BMERB1: variants seen among roughly 807,000 people sequenced by gnomAD.
BMERB1 encodes bMERB domain containing 1, also known as bMERB domain-containing protein 1.
In BMERB1, 12 loss-of-function variants were observed where a neutral mutation model predicts 23.6. The ratio of observed to expected loss-of-function variants is 0.51; its 90% CI spans 0.33 to 0.82. BMERB1 has a LOEUF of 0.82. BMERB1 is among the 40% of genes least tolerant of loss of function. The probability of loss-of-function intolerance (pLI) is 0.03; values close to 1 mark genes in which losing one functional copy is unlikely to be tolerated. For synonymous variants in BMERB1, 122 were observed against 96.6 expected (o/e 1.26, Z -1.54); for missense variants, 247 against 255.4 (o/e 0.97, Z 0.22).
At chr16:15,459,574 T>C (rs768606494) in intron 1 of BMERB1, among the ~76,000 whole-genome samples, 32 of 152,186 alleles carry the variant, frequency 2.1e-4, no homozygotes, top group Admixed American at 9.8e-4. Flanking sequence ...ACAACAATTA[T>C]ATATGTGTCC....
intron 1 of BMERB1, among the ~76,000 whole-genome samples, chr16:15,509,373 C>G (rs1319697032): frequency 2.6e-5 from 4 of 151,696 alleles, no homozygotes; most frequent in Non-Finnish European, 5.9e-5. Flanking sequence ...GGTTTGAATA[C>G]TATCTCTGCA....
chr16:15,534,286 CAAAAAAAAA>C (rs1168488547), intron 2 of BMERB1, among the ~76,000 whole-genome samples: 4 of 41,970 alleles, frequency 9.5e-5, no homozygotes, highest in African/African-American at 1.3e-4. Flanking sequence ...TTTTTAATTG[CAAAAAAAAA>C]AAAAAAAAAA....
chr16:15,501,479 T>C (rs1266378494), intron 1 of BMERB1, among the ~76,000 whole-genome samples: 1 of 151,546 alleles, frequency 6.6e-6, no homozygotes, highest in African/African-American at 2.4e-5. Flanking sequence ...TTTGTTGTTC[T>C]TGTTGTTCTT....
chr16:15,559,658 C>G (rs971736845), intron 2 of BMERB1, among the ~76,000 whole-genome samples: 1 of 152,234 alleles, frequency 6.6e-6, no homozygotes, highest in Admixed American at 6.5e-5. Context: ...ACCCATCCTT[C>G]CATATTCCAG....
intron 3 of BMERB1, among the ~76,000 whole-genome samples, chr16:15,576,411 A>T (rs1444367026): frequency 6.6e-6 from 1 of 152,168 alleles, no homozygotes; most frequent in Non-Finnish European, 1.5e-5. Context: ...AGGAACCGCC[A>T]GGCCTGTTCC....
intron 2 of BMERB1, among the ~76,000 whole-genome samples, chr16:15,532,240 G>T (rs529562712): frequency 0.014 from 2,151 of 149,720 alleles, 57 homozygotes; most frequent in African/African-American, 0.051. Flanking sequence ...TGTTTTTTTT[G>T]TTTTTTTTTG....
intron 3 of BMERB1, chr16:15,577,144 G>A (rs1596403081): frequency 6.6e-6 from 1 of 152,260 alleles, no homozygotes; most frequent in Non-Finnish European, 1.5e-5. Context: ...GGCTGGCAAA[G>A]AGAAGGGAGC....
At chr16:15,463,930 C>A (rs889176589) in intron 1 of BMERB1, among the ~76,000 whole-genome samples, 1 of 151,668 alleles carries the variant, frequency 6.6e-6, no homozygotes, top group African/African-American at 2.4e-5. Context: ...TGGTCCTGAT[C>A]CAGACTGCAA....
intron 1 of BMERB1, among the ~76,000 whole-genome samples, chr16:15,443,777 G>C (rs1469442923): frequency 2.0e-5 from 3 of 152,034 alleles, no homozygotes; most frequent in Non-Finnish European, 4.4e-5. Context: ...AAATTAGCCA[G>C]ATGTGGTGGT....
At chr16:15,527,947 C>T (rs746934521) in intron 2 of BMERB1, among the ~76,000 whole-genome samples, 1 of 152,084 alleles carries the variant, frequency 6.6e-6, no homozygotes, top group Non-Finnish European at 1.5e-5. Flanking sequence ...GTTTTACCTC[C>T]TAAAATAATG....
intron 1 of BMERB1, among the ~76,000 whole-genome samples, chr16:15,435,487 G>A (rs1380166728): frequency 6.6e-6 from 1 of 152,198 alleles, no homozygotes; most frequent in African/African-American, 2.4e-5. Context: ...TACAATAGTT[G>A]AAACTCCTGC....
rs2050873731 is a variant in BMERB1 at position 15,434,862 on chromosome 16, G to A, written c.106+103G>A. On this transcript the variant is annotated intron_variant, in intron 1 of 5. Coordinates refer to ENST00000300006, the MANE Select transcript of BMERB1 (RefSeq NM_033201.3). ...GAGGAACGCCAGCAGTGGACCCAGG[G>A]AAGCGCCCCCGCAGCGGGGCTGGCA... is the stretch of plus-strand genomic sequence containing the variant. The A allele has an allele frequency of 2.5e-5, 24 of 970,844 alleles. 1 individual carries two copies. Among genetic ancestry groups the A allele is most frequent in the Non-Finnish European group, 3.5e-5 (23 of 663,086 alleles). 60.1% of individuals were successfully genotyped at this position (970,844 alleles called of 1,614,324 possible). A position where few individuals can be genotyped will look rare whatever the true frequency, so the allele number is the denominator to read the frequency against.
intron 1 of BMERB1, among the ~76,000 whole-genome samples, chr16:15,449,494 G>A (rs185452874): frequency 7.9e-5 from 12 of 151,944 alleles, no homozygotes; most frequent in African/African-American, 2.7e-4. Context: ...TAACAAACCT[G>A]CACATGTACC....
At chr16:15,544,291 C>A (rs762103399) in intron 2 of BMERB1, among the ~76,000 whole-genome samples, 24 of 152,178 alleles carry the variant, frequency 1.6e-4, no homozygotes, top group Non-Finnish European at 3.5e-4. Context: ...GACAAGTGTT[C>A]ATTCCACATT....
intron 1 of BMERB1, among the ~76,000 whole-genome samples, chr16:15,509,050 C>T (rs1422111534): frequency 6.6e-6 from 1 of 151,786 alleles, no homozygotes; most frequent in Non-Finnish European, 1.5e-5. Flanking sequence ...GCACCTGGAG[C>T]CTGGCACCAC....
chr16:15,493,244 C>T lies in BMERB1; in HGVS notation c.107-22061C>T, dbSNP rs139803636. On this transcript the variant is annotated intron_variant, in intron 1 of 5. Transcript: ENST00000300006. ...GTGCATGCCTGTACTGCCCCCTACT[C>T]GGGAGGCTGAGGCAGGAGAATCGCT... is the stretch of plus-strand genomic sequence containing the variant. 6.3e-3 allele frequency among the ~76,000 whole-genome samples: 963 copies of T among 151,880 alleles called. 11 individuals carry two copies. Among genetic ancestry groups the T allele is most frequent in the African/African-American group, 0.022 (904 of 41,414 alleles).
intron 3 of BMERB1, among the ~76,000 whole-genome samples, chr16:15,577,648 G>A (rs74009186): frequency 1.1e-4 from 15 of 132,412 alleles, no homozygotes; most frequent in East Asian, 3.9e-4. Flanking sequence ...GGCATGTTCC[G>A]GGGTTTTATA....
intron 1 of BMERB1, among the ~76,000 whole-genome samples, chr16:15,458,550 A>G (rs573210683): frequency 6.6e-6 from 1 of 151,696 alleles, no homozygotes; most frequent in Non-Finnish European, 1.5e-5. Context: ...CCCCATCTCT[A>G]TAAACAATAT....
At chr16:15,480,864 G>A (rs889437678) in intron 1 of BMERB1, among the ~76,000 whole-genome samples, 2 of 151,938 alleles carry the variant, frequency 1.3e-5, no homozygotes, top group East Asian at 2.0e-4. Flanking sequence ...CACTGACATC[G>A]GCCTCCCAAA....
Sources: gnomAD v4.1 joint callset for allele counts (sites outside exome capture counted in the v4.1 genomes callset) on GRCh38, gnomAD v4.1.1 for gene constraint, MANE v1.5 for transcripts, NCBI Gene and HGNC (gene_info 2026-07-23, HGNC 2026-07-21) for gene names.